Variants in PIK3R3 observed in about 807,000 individuals in gnomAD.
PIK3R3 encodes the protein phosphatidylinositol 3-kinase regulatory subunit gamma.
Under a neutral mutation model 62.9 loss-of-function variants are expected in PIK3R3, and 64 were observed. The ratio of observed to expected loss-of-function variants is 1.02; its 90% CI spans 0.83 to 1.25. The LOEUF is 1.25. Ranked by LOEUF, PIK3R3 falls within the 50% of genes most tolerant of loss-of-function variation. The probability of loss-of-function intolerance (pLI) is 0.00; values close to 1 mark genes in which losing one functional copy is unlikely to be tolerated. For synonymous variants in PIK3R3, 165 were observed against 189.0 expected (o/e 0.87, Z 1.04); for missense variants, 614 against 561.6 (o/e 1.09, Z -0.94).
intron 6 of PIK3R3, among the ~76,000 whole-genome samples, chr1:46,058,280 C>T (rs951739678): frequency 8.5e-5 from 13 of 152,192 alleles, no homozygotes; most frequent in East Asian, 1.9e-4. Flanking sequence ...GCTGCAGGGG[C>T]GGGGCTCTCA....
chr1:46,069,081 T>A (rs1233188407), intron 3 of PIK3R3, among the ~76,000 whole-genome samples: 1 of 152,132 alleles, frequency 6.6e-6, no homozygotes, highest in Non-Finnish European at 1.5e-5. Flanking sequence ...CTTAACATAT[T>A]TTGAAGATAG....
chr1:46,154,452 C>T, the PIK3R3 span, among the ~76,000 whole-genome samples: 1 of 152,222 alleles, frequency 6.6e-6, no homozygotes, highest in Non-Finnish European at 1.5e-5. Flanking sequence ...ACCTGTAGTC[C>T]TAGCTACTTG....
In PIK3R3 at chr1:46,071,696, C is replaced by CAAAAAAAAAA. The variant is rs1331276065; in HGVS notation, c.315-4615_315-4606dup. On this transcript the variant is annotated intron_variant, in intron 3 of 9. Transcript: ENST00000262741. ...GAGCAACAGAGCAAGACTCTGTCTC[C>CAAAAAAAAAA]AAAAAAAAAAAAAAAAATATATATA... 2.1e-3 allele frequency among the ~76,000 whole-genome samples: 36 copies of CAAAAAAAAAA among 17,236 alleles called. 2 individuals are homozygous for CAAAAAAAAAA. The highest frequency in any genetic ancestry group is 4.8e-3 in the African/African-American group (21 of 4,338). 11.3% of individuals were successfully genotyped at this position (17,236 alleles called of 152,430 possible). A position where few individuals can be genotyped will look rare whatever the true frequency, so the allele number is the denominator to read the frequency against.
intron 1 of PIK3R3, among the ~76,000 whole-genome samples, chr1:46,128,450 A>T (rs1655283254): frequency 6.6e-6 from 1 of 152,166 alleles, no homozygotes. Flanking sequence ...AATAAAATAA[A>T]GATGAAAAAA....
the PIK3R3 span, among the ~76,000 whole-genome samples, chr1:46,138,342 C>G: frequency 2.0e-5 from 3 of 152,172 alleles, no homozygotes; most frequent in Non-Finnish European, 4.4e-5. Flanking sequence ...CAGTCCAGTT[C>G]CCTTATTGGA....
At chr1:46,137,481 T>C (rs1198039842), upstream of PIK3R3, among the ~76,000 whole-genome samples, 4 of 152,236 alleles carry the variant, frequency 2.6e-5, no homozygotes, top group African/African-American at 4.8e-5. Context: ...TTTAAATGTG[T>C]GGTCCTTTAC....
chr1:46,060,982 T>C (rs1648427707), intron 6 of PIK3R3, among the ~76,000 whole-genome samples: 2 of 152,234 alleles, frequency 1.3e-5, no homozygotes, highest in South Asian at 2.1e-4. Flanking sequence ...CTTTTAGTTA[T>C]CAAATCCATT....
At chr1:46,141,525 C>A in the PIK3R3 span, among the ~76,000 whole-genome samples, 1 of 152,098 alleles carries the variant, frequency 6.6e-6, no homozygotes, top group African/African-American at 2.4e-5. Flanking sequence ...CCTGCCTCGG[C>A]CTCCCAAAGT....
the PIK3R3 span, among the ~76,000 whole-genome samples, chr1:46,145,201 G>A: frequency 4.6e-5 from 7 of 151,952 alleles, no homozygotes; most frequent in African/African-American, 1.5e-4. Context: ...AAAACATGGG[G>A]GAGATGGGAG....
chr1:46,043,075 A>C lies in PIK3R3; in HGVS notation c.*598T>G. 1 of 227,468 alleles carries C rather than the reference A, an allele frequency of 4.4e-6. No homozygotes were observed. The allele number at this position is 227,468 out of a possible 1,614,324, so 14.1% of individuals were successfully genotyped here. A position where few individuals can be genotyped will look rare whatever the true frequency, so the allele number is the denominator to read the frequency against. On this transcript the variant is annotated 3_prime_UTR_variant, in exon 10 of 10. Transcript: ENST00000262741. Reference sequence around the variant, plus strand: ...GGGGCTGGTGAGATGCTGAAGCCTAAATTATGTTGGTAAGAAACAAAATAC... The same window carrying C: ...GGGGCTGGTGAGATGCTGAAGCCTACATTATGTTGGTAAGAAACAAAATAC...
intron 2 of PIK3R3, among the ~76,000 whole-genome samples, chr1:46,078,296 A>C (rs1650253517): frequency 6.6e-6 from 1 of 152,226 alleles, no homozygotes; most frequent in Non-Finnish European, 1.5e-5. Flanking sequence ...CCAGCACTTT[A>C]GGAGGCTGAA....
Position 46,041,370 on chromosome 1 carries a change from G to GA in PIK3R3, c.*2302dup, listed in dbSNP as rs371859463. ...CCCACAAAACAATGAATTCAAGAAT[G>GA]AAAAAAAAAATGAAGGAATGTAGGA... On this transcript the variant is annotated 3_prime_UTR_variant, in exon 10 of 10. Coordinates refer to ENST00000262741, the MANE Select transcript of PIK3R3 (RefSeq NM_003629.4). 1,543 of 162,622 alleles carry GA rather than the reference G, an allele frequency of 9.5e-3. 19 individuals are homozygous for GA. Among genetic ancestry groups the GA allele is most frequent in the African/African-American group, 0.026 (1,074 of 40,638 alleles). 10.1% of individuals were successfully genotyped at this position (162,622 alleles called of 1,614,324 possible). A position where few individuals can be genotyped will look rare whatever the true frequency, so the allele number is the denominator to read the frequency against.
intron 9 of PIK3R3, 26 bp downstream of exon 9, chr1:46,045,892 A>G: frequency 6.3e-7 from 1 of 1,583,998 alleles, no homozygotes; most frequent in Non-Finnish European, 8.6e-7. Flanking sequence ...AGATTTCAAA[A>G]GGTTATATCC....
chr1:46,098,917 G>T lies in PIK3R3; in HGVS notation c.107-18167C>A, dbSNP rs569682298. Reference sequence around the variant, plus strand: ...GGGTCTCGCTAAATTGCCCAAGCTGGTCTTGAACTCCTGGCTTCAATTGAT... The same window carrying T: ...GGGTCTCGCTAAATTGCCCAAGCTGTTCTTGAACTCCTGGCTTCAATTGAT... On this transcript the variant is annotated intron_variant, in intron 1 of 9. Coordinates refer to ENST00000262741, the MANE Select transcript of PIK3R3 (RefSeq NM_003629.4). 3.9e-4 allele frequency among the ~76,000 whole-genome samples: 59 copies of T among 152,114 alleles called. 3 individuals are homozygous for T. In the South Asian group the frequency reaches 0.012, roughly 32 times the overall value.
intron 1 of PIK3R3, among the ~76,000 whole-genome samples, chr1:46,083,758 A>G (rs933621486): frequency 6.6e-6 from 1 of 152,210 alleles, no homozygotes; most frequent in Non-Finnish European, 1.5e-5. Context: ...TAGGATGACT[A>G]TAATAAAAAA....
At chr1:46,069,062 A>T (rs1649263178) in intron 3 of PIK3R3, among the ~76,000 whole-genome samples, 1 of 152,218 alleles carries the variant, frequency 6.6e-6, no homozygotes, top group African/African-American at 2.4e-5. Flanking sequence ...CATGAGAAAT[A>T]GTGAGATTCT....
intron 1 of PIK3R3, among the ~76,000 whole-genome samples, chr1:46,102,034 G>A (rs931831041): frequency 9.5e-5 from 12 of 126,538 alleles, no homozygotes; most frequent in African/African-American, 3.0e-4. Context: ...GCCCAGGCTG[G>A]AGTGCAGTGG....
the PIK3R3 span, among the ~76,000 whole-genome samples, chr1:46,146,698 C>T: frequency 3.3e-5 from 1 of 30,096 alleles, no homozygotes; most frequent in African/African-American, 1.2e-4. Context: ...CACACACACA[C>T]ACACACACAC....
intron 1 of PIK3R3, chr1:46,105,188 G>A (rs1653080855): frequency 3.5e-6 from 2 of 567,262 alleles, no homozygotes; most frequent in Admixed American, 2.5e-5. Context: ...ATCCCAGCTG[G>A]TGTAATACTG....
Sources: gnomAD v4.1 joint callset for allele counts (sites outside exome capture counted in the v4.1 genomes callset) on GRCh38, gnomAD v4.1.1 for gene constraint, MANE v1.5 for transcripts, NCBI Gene and HGNC (gene_info 2026-07-23, HGNC 2026-07-21) for gene names.